The following PKHD1 variants were observed in gnomAD, a reference collection of about 807,000 sequenced individuals.
PKHD1 encodes PKHD1 ciliary IPT domain containing fibrocystin/polyductin, also known as fibrocystin.
In PKHD1, 291 loss-of-function variants were observed where a neutral mutation model predicts 412.0. The ratio of observed to expected loss-of-function variants is 0.71; its 90% CI spans 0.64 to 0.78. The LOEUF (loss-of-function observed/expected upper bound fraction) is 0.78. Among genes scored for constraint, PKHD1 ranks in the 30% least tolerant of loss-of-function variants. The pLI is 0.00. For synonymous variants in PKHD1, 1,777 were observed against 1,821.5 expected, an observed-to-expected ratio of 0.98 and a Z score of 0.62; for missense variants, 4,825 against 4,950.7, an observed-to-expected ratio of 0.97 and a Z score of 0.76.
intron 48 of PKHD1, among the ~76,000 whole-genome samples, chr6:51,866,154 T>C (rs1775038416): frequency 6.6e-6 from 1 of 152,078 alleles, no homozygotes; most frequent in Non-Finnish European, 1.5e-5. Context: ...CCAAGAGATT[T>C]ATAACTGGAA....
At chr6:51,771,689 T>C (rs1582595784) in intron 55 of PKHD1, among the ~76,000 whole-genome samples, 1 of 152,152 alleles carries the variant, frequency 6.6e-6, no homozygotes, top group East Asian at 1.9e-4. Context: ...ATTTCAGTGC[T>C]TCTTAGTTAT....
chr6:51,883,385 C>A (rs547232589), intron 45 of PKHD1, among the ~76,000 whole-genome samples, 158 bp from the exon 46 acceptor site: 1 of 149,230 alleles, frequency 6.7e-6, no homozygotes, highest in Non-Finnish European at 1.5e-5. Flanking sequence ...CCTCAAGTTG[C>A]TGTGAGGTCA....
chr6:51,859,248 C>T (rs1247863462), intron 48 of PKHD1, among the ~76,000 whole-genome samples: 4 of 152,078 alleles, frequency 2.6e-5, no homozygotes, highest in South Asian at 2.1e-4. Context: ...TTACCTCGGC[C>T]GGGAGCGGTG....
intron 33 of PKHD1, among the ~76,000 whole-genome samples, chr6:52,019,273 T>A (rs1201289412): frequency 6.6e-6 from 1 of 152,236 alleles, no homozygotes; most frequent in Non-Finnish European, 1.5e-5. Context: ...CCCGCCTCAT[T>A]ACAGTGCTGT....
chr6:52,055,138 C>T (rs1388758203), intron 19 of PKHD1, among the ~76,000 whole-genome samples: 1 of 152,204 alleles, frequency 6.6e-6, no homozygotes, highest in Non-Finnish European at 1.5e-5. Flanking sequence ...ACTGTGCAGG[C>T]ACTTTACTAG....
chr6:51,791,321 C>T lies in PKHD1; in HGVS notation c.8355G>A (p.Val2785=), dbSNP rs770378516. The T allele has an allele frequency of 6.2e-7, 1 of 1,613,168 alleles. No individual in the cohort carries two copies. Among genetic ancestry groups the T allele is most frequent in the African/African-American group, 1.3e-5 (1 of 74,896 alleles). ...TDLPFFKGLY[V]MGTLDFPVDR... The stretch of plus-strand genomic sequence containing the variant: ...CCACAGGGAAGTCTAAGGTCCCCAT[C>T]ACATACAGCCCTTTGAAGAATGGAA... The change falls in exon 53 of 67, where the codon GTG becomes GTA. Residue 2785 remains valine, a synonymous_variant. Transcript: ENST00000371117.
At chr6:52,047,430 T>C (rs1397164988) in intron 23 of PKHD1, among the ~76,000 whole-genome samples, 1 of 152,144 alleles carries the variant, frequency 6.6e-6, no homozygotes, top group Admixed American at 6.5e-5. Context: ...TGTTCCAACT[T>C]TTATACAGCC....
At chr6:51,671,584 C>T (rs572344491) in intron 60 of PKHD1, among the ~76,000 whole-genome samples, 5 of 152,160 alleles carry the variant, frequency 3.3e-5, no homozygotes, top group Non-Finnish European at 5.9e-5. Flanking sequence ...TGTTCCATTG[C>T]TGGTGAGGAA....
At chr6:51,787,612 C>T (rs1456635441) in intron 53 of PKHD1, among the ~76,000 whole-genome samples, 2 of 152,066 alleles carry the variant, frequency 1.3e-5, no homozygotes, top group East Asian at 3.8e-4. Flanking sequence ...AGATGGGTTC[C>T]AATAACCTAC....
At chr6:51,741,228 A>C (rs568905816) in intron 60 of PKHD1, 1 of 518,022 alleles carries the variant, frequency 1.9e-6, no homozygotes, top group African/African-American at 1.9e-5. Context: ...AACATGGAGA[A>C]TCTGACTGAC....
intron 46 of PKHD1, among the ~76,000 whole-genome samples, chr6:51,872,074 A>T (rs1776062387): frequency 6.6e-6 from 1 of 152,196 alleles, no homozygotes; most frequent in Non-Finnish European, 1.5e-5. Flanking sequence ...TAGAACAAAA[A>T]GACAAAGAGA....
chr6:51,627,079 A>G lies in PKHD1; in HGVS notation c.11703T>C (p.Asn3901=). ...AGATGTGGATATGAATATTTTGATT[A>G]TTAGTCTGGGATTCAGGAATCTCTT... ...KPEEIPESQT[N]NQNIHIHISS... The change falls in exon 66 of 67, where the codon AAT becomes AAC. Residue 3901 remains asparagine (N), a synonymous_variant. Transcript: ENST00000371117. 1 of 1,610,460 alleles carries G rather than the reference A, an allele frequency of 6.2e-7. No homozygotes were observed. Among genetic ancestry groups the G allele is most frequent in the Non-Finnish European group, 8.5e-7 (1 of 1,176,796 alleles).
chr6:52,051,032 C>A (rs1003488319), intron 21 of PKHD1, among the ~76,000 whole-genome samples: 2 of 152,222 alleles, frequency 1.3e-5, no homozygotes, highest in Non-Finnish European at 2.9e-5. Context: ...AGTTTAAGGG[C>A]AACACCTTTG....
In PKHD1 at chr6:51,659,964, ATGTACC is replaced by A. The variant is rs1562044579; in HGVS notation, c.10157-1_10161del. On this transcript the variant is annotated splice_acceptor_variant and coding_sequence_variant, in exon 61 of 67. Transcript: ENST00000371117. LOFTEE classifies it high-confidence loss of function. ...TATGTACATTTCTGTTCTTCTCTAA[ATGTACC>A]TATAAAAGAAAAGAAGCAAAACAAG... The A allele has an allele frequency of 6.3e-7, 1 of 1,592,386 alleles. No homozygotes were observed.
At chr6:52,014,823 T>TGGAC (rs1554193281) in intron 34 of PKHD1, among the ~76,000 whole-genome samples, 4 of 137,770 alleles carry the variant, frequency 2.9e-5, no homozygotes, top group African/African-American at 7.6e-5. Context: ...GATGGATGGA[T>TGGAC]GGACGGACGA....
intron 37 of PKHD1, among the ~76,000 whole-genome samples, chr6:51,928,276 T>C (rs1403195654): frequency 6.6e-6 from 1 of 152,118 alleles, no homozygotes; most frequent in Non-Finnish European, 1.5e-5. Flanking sequence ...TGAAATCAAC[T>C]GGAAAGCTAT....
chr6:51,692,885 C>G (rs1443700986), intron 60 of PKHD1, among the ~76,000 whole-genome samples: 1 of 152,020 alleles, frequency 6.6e-6, no homozygotes, highest in African/African-American at 2.4e-5. Context: ...TATTAGAGGC[C>G]TTTATTTTCT....
In PKHD1 at chr6:52,013,684, T is replaced by C. The variant is rs973407481; in HGVS notation, c.5601-3225A>G. Among the ~76,000 whole-genome samples the C allele has an allele frequency of 5.3e-5, 8 of 152,128 alleles. No individual in the cohort carries two copies. In the South Asian group the frequency reaches 1.0e-3, roughly 20 times the overall value. On this transcript the variant is annotated intron_variant, in intron 34 of 66. Coordinates refer to ENST00000371117, the MANE Select transcript of PKHD1 (RefSeq NM_138694.4). The stretch of plus-strand genomic sequence containing the variant: ...CATACACACTGCACACACACACACA[T>C]ATTTACTTTGGGGGATATGGTTTAA...
chr6:52,024,125 T>G (rs146332686), intron 32 of PKHD1, among the ~76,000 whole-genome samples: 58 of 152,334 alleles, frequency 3.8e-4, no homozygotes, highest in Non-Finnish European at 7.1e-4. Context: ...TTCTGTGCAT[T>G]TGGCTTATTA....
Sources: gnomAD v4.1 joint callset for allele counts (sites outside exome capture counted in the v4.1 genomes callset) on GRCh38, gnomAD v4.1.1 for gene constraint, MANE v1.5 for transcripts, NCBI Gene and HGNC (gene_info 2026-07-23, HGNC 2026-07-21) for gene names.